Variants in CHCHD3 observed in about 807,000 individuals in gnomAD.
CHCHD3 encodes the protein MICOS complex subunit MIC19.
In CHCHD3, 20 loss-of-function variants were observed where a neutral mutation model predicts 38.2. The observed-to-expected ratio is 0.52, with a 90% confidence interval of 0.37 to 0.76. The LOEUF is 0.76. Among genes scored for constraint, CHCHD3 ranks in the 30% least tolerant of loss-of-function variants. The pLI, the probability that CHCHD3 is intolerant of heterozygous loss-of-function variation, is 0.00. For missense variants in CHCHD3, 245 were observed against 279.2 expected (o/e 0.88, Z 0.87); for synonymous variants, 82 against 100.0 (o/e 0.82, Z 1.07).
chr7:133,013,283 G>C (rs1251436567), intron 3 of CHCHD3, among the ~76,000 whole-genome samples: 1 of 151,312 alleles, frequency 6.6e-6, no homozygotes, highest in Non-Finnish European at 1.5e-5. Flanking sequence ...CAGTCTGATC[G>C]AGTGATGGTA....
chr7:132,918,851 G>A (rs1197461101), intron 4 of CHCHD3, among the ~76,000 whole-genome samples: 2 of 152,088 alleles, frequency 1.3e-5, no homozygotes, highest in Non-Finnish European at 2.9e-5. Context: ...CTGGCAAATA[G>A]GTGAATAAGC....
chr7:132,787,430 C>T (rs1397115642), intron 7 of CHCHD3, among the ~76,000 whole-genome samples: 1 of 152,048 alleles, frequency 6.6e-6, no homozygotes. Flanking sequence ...GAGATGGTGA[C>T]ACCCAAGGTA....
chr7:133,068,938 G>A (rs761059822), intron 2 of CHCHD3, among the ~76,000 whole-genome samples: 3 of 152,090 alleles, frequency 2.0e-5, no homozygotes, highest in Non-Finnish European at 2.9e-5. Context: ...CTATTATAAT[G>A]TCTGGAATTT....
intron 7 of CHCHD3, among the ~76,000 whole-genome samples, chr7:132,786,850 AT>A (rs1306871385): frequency 1.3e-5 from 2 of 152,234 alleles, no homozygotes; most frequent in African/African-American, 4.8e-5. Flanking sequence ...ACAGCATAAC[AT>A]TTAACAGGAA....
intron 6 of CHCHD3, among the ~76,000 whole-genome samples, chr7:132,808,538 T>G (rs977028348): frequency 1.3e-4 from 20 of 152,216 alleles, no homozygotes; most frequent in Non-Finnish European, 4.4e-5. Context: ...ATCAGTAATC[T>G]TAGCCATCTG....
Position 133,082,043 on chromosome 7 carries a change from CG to C in CHCHD3, c.-107del. 2 of 1,073,288 alleles carry C rather than the reference CG, an allele frequency of 1.9e-6. No individual in the cohort carries two copies. Among genetic ancestry groups the C allele is most frequent in the Non-Finnish European group, 2.6e-6 (2 of 765,088 alleles). The allele number at this position is 1,073,288 out of a possible 1,614,324, so 66.5% of individuals were successfully genotyped here. A position where few individuals can be genotyped will look rare whatever the true frequency, so the allele number is the denominator to read the frequency against. ...GGGCCTGGATTCTTTTCCCGCACAG[CG>C]GGAGCAAGGCCACGACCCCCAGAAG... is the stretch of plus-strand genomic sequence containing the variant. On this transcript the variant is annotated 5_prime_UTR_variant, in exon 1 of 8. Transcript: ENST00000262570.
At chr7:132,853,157 G>A (rs896035003) in intron 5 of CHCHD3, among the ~76,000 whole-genome samples, 8 of 152,144 alleles carry the variant, frequency 5.3e-5, no homozygotes, top group Non-Finnish European at 1.2e-4. Context: ...CTCTCTAAGT[G>A]AATAAGAAGA....
At chr7:133,037,385 A>G (rs867782157) in intron 2 of CHCHD3, among the ~76,000 whole-genome samples, 2 of 152,206 alleles carry the variant, frequency 1.3e-5, no homozygotes, top group African/African-American at 4.8e-5. Flanking sequence ...TGCTAACATT[A>G]AAAAACATGC....
chr7:133,071,507 C>T (rs1814818508), intron 1 of CHCHD3, among the ~76,000 whole-genome samples: 1 of 152,166 alleles, frequency 6.6e-6, no homozygotes, highest in Non-Finnish European at 1.5e-5. Flanking sequence ...ATGGCACGAT[C>T]AGATTTACAC....
chr7:133,016,163 C>A lies in CHCHD3; in HGVS notation c.251+8383G>T, dbSNP rs564165628. On this transcript the variant is annotated intron_variant, in intron 3 of 7. Transcript: ENST00000262570. ...ACCATATAACTTGGTAAGTTTCTTACCCTCTCTGTTTCCTCATTTATAAAA... is the reference window on the plus strand; with the variant it reads ...ACCATATAACTTGGTAAGTTTCTTAACCTCTCTGTTTCCTCATTTATAAAA... 2.0e-5 allele frequency among the ~76,000 whole-genome samples: 3 copies of A among 152,264 alleles called. No homozygotes were observed. In the East Asian group the frequency reaches 5.8e-4, roughly 29 times the overall value.
intron 4 of CHCHD3, among the ~76,000 whole-genome samples, chr7:132,908,016 TCAC>T (rs1809839608): frequency 6.6e-6 from 1 of 151,890 alleles, no homozygotes. Flanking sequence ...CCAAATAGAA[TCAC>T]CACCGAAACT....
intron 4 of CHCHD3, among the ~76,000 whole-genome samples, chr7:132,963,157 T>A (rs1053467488): frequency 1.3e-3 from 159 of 125,338 alleles, no homozygotes; most frequent in East Asian, 7.6e-3. Flanking sequence ...AAAAAAAAAA[T>A]ATATATATAT....
intron 1 of CHCHD3, among the ~76,000 whole-genome samples, chr7:133,073,467 C>A (rs1814887200): frequency 1.3e-5 from 2 of 152,176 alleles, no homozygotes; most frequent in Admixed American, 1.3e-4. Context: ...TTCCTTCTGG[C>A]AAACCAGAAG....
chr7:132,953,758 C>T (rs1811088490), intron 4 of CHCHD3, among the ~76,000 whole-genome samples: 1 of 152,186 alleles, frequency 6.6e-6, no homozygotes, highest in Non-Finnish European at 1.5e-5. Flanking sequence ...CACATTTGAA[C>T]ATGGCCATAC....
In CHCHD3 at chr7:132,857,211, A is replaced by AG. The variant is rs987448592; in HGVS notation, c.454-18743dup. Among the ~76,000 whole-genome samples, 42 of 152,090 alleles carry AG rather than the reference A, an allele frequency of 2.8e-4. 1 individual carries two copies. Among genetic ancestry groups the AG allele is most frequent in the African/African-American group, 9.6e-4 (40 of 41,454 alleles). On this transcript the variant is annotated intron_variant, in intron 5 of 7. Transcript: ENST00000262570. ...CAAAGATCCATTTCTAAAAGGAGCT[A>AG]GGAAGAGAGGCTGTCTTATTAAATC...
chr7:132,838,355 C>T, intron 6 of CHCHD3, 44 bp downstream of exon 6: 1 of 1,316,680 alleles, frequency 7.6e-7, no homozygotes, highest in Admixed American at 1.7e-5. Flanking sequence ...GTGCTTTCAT[C>T]TTGTTAAGAA....
chr7:132,862,201 C>A (rs1343420398), intron 5 of CHCHD3, among the ~76,000 whole-genome samples: 1 of 150,284 alleles, frequency 6.7e-6, no homozygotes, highest in East Asian at 1.9e-4. Flanking sequence ...GGGAGAGGAA[C>A]AGAGAGAGAG....
chr7:132,986,812 T>C (rs1170005991), intron 3 of CHCHD3, among the ~76,000 whole-genome samples: 2 of 152,206 alleles, frequency 1.3e-5, no homozygotes, highest in African/African-American at 4.8e-5. Flanking sequence ...AGATTTAAGA[T>C]AGGAAGGGAT....
At chr7:132,847,923 T>G (rs1362147401) in intron 5 of CHCHD3, among the ~76,000 whole-genome samples, 1 of 152,204 alleles carries the variant, frequency 6.6e-6, no homozygotes, top group Non-Finnish European at 1.5e-5. Context: ...ATGTAACACA[T>G]GAGGGCTGAA....
Sources: gnomAD v4.1 joint callset for allele counts (sites outside exome capture counted in the v4.1 genomes callset) on GRCh38, gnomAD v4.1.1 for gene constraint, MANE v1.5 for transcripts, NCBI Gene and HGNC (gene_info 2026-07-23, HGNC 2026-07-21) for gene names.